The following FERMT2 variants were observed in gnomAD, a reference collection of about 807,000 sequenced individuals.
FERMT2 encodes the protein fermitin family homolog 2.
In FERMT2, 15 loss-of-function variants were observed where a neutral mutation model predicts 82.7. The ratio of observed to expected loss-of-function variants is 0.18; its 90% CI spans 0.12 to 0.28. The LOEUF (loss-of-function observed/expected upper bound fraction) is 0.28. Ranked by LOEUF, FERMT2 falls within the 10% of genes least tolerant of loss-of-function variation. The pLI is 1.00. For synonymous variants in FERMT2, 274 were observed against 271.5 expected (o/e 1.01, Z -0.09); for missense variants, 645 against 809.4 (o/e 0.80, Z 2.46).
At chr14:52,940,000 T>C (rs576498424) in intron 2 of FERMT2, among the ~76,000 whole-genome samples, 2 of 152,298 alleles carry the variant, frequency 1.3e-5, no homozygotes, top group African/African-American at 2.4e-5. Flanking sequence ...AAAAACATCA[T>C]TACACTGATG....
chr14:52,859,660 A>C lies in FERMT2; in HGVS notation c.1782T>G (p.Ile594Met). 1 of 1,612,874 alleles carries C rather than the reference A, an allele frequency of 6.2e-7. No homozygotes were observed. Among genetic ancestry groups the C allele is most frequent in the Non-Finnish European group, 8.5e-7 (1 of 1,179,362 alleles). ...CATCTCCAGTGCTGGCATCCATCCG[A>C]ATCAGTCTGTTGTATGCAATTCCAA... ...ELIGIAYNRL[I>M]RMDASTGDAI... Residue 594 changes from isoleucine to methionine, a missense_variant, in exon 14 of 15, where the codon ATT becomes ATG. Physicochemically the swap from Ile to Met is conservative, Grantham distance 10. Transcript: ENST00000341590.
intron 3 of FERMT2, among the ~76,000 whole-genome samples, chr14:52,900,374 T>TATAAAACA (rs1484966494): frequency 6.6e-6 from 1 of 151,840 alleles, no homozygotes; most frequent in Non-Finnish European, 1.5e-5. Flanking sequence ...ATACTATACA[T>TATAAAACA]ATAAAAAAGC....
intron 2 of FERMT2, among the ~76,000 whole-genome samples, chr14:52,933,615 C>A (rs1008121925): frequency 7.0e-6 from 1 of 143,538 alleles, no homozygotes; most frequent in Non-Finnish European, 1.5e-5. Context: ...GAGGCTGAAG[C>A]AGGAGAATTG....
Position 52,859,727 on chromosome 14 carries a change from A to G in FERMT2, c.1728-13T>C. ...GCCCCCTTGGAACCTATAACATTTA[A>G]GAAAAGAACGGTTAAAAACATGTTG... is the stretch of plus-strand genomic sequence containing the variant. On this transcript the variant is annotated splice_polypyrimidine_tract_variant and intron_variant, in intron 13 of 14. Coordinates refer to ENST00000341590, the MANE Select transcript of FERMT2 (RefSeq NM_006832.3). 1 of 1,536,976 alleles carries G rather than the reference A, an allele frequency of 6.5e-7. No homozygotes were observed. The highest frequency in any genetic ancestry group is 8.8e-7 in the Non-Finnish European group (1 of 1,132,542).
chr14:52,887,471 G>A (rs567734189), intron 4 of FERMT2, among the ~76,000 whole-genome samples: 2 of 151,872 alleles, frequency 1.3e-5, no homozygotes, highest in South Asian at 2.1e-4. Context: ...AACATAGCAA[G>A]ACCCTGTCCC....
At chr14:52,945,229 G>GT (rs904891595) in intron 2 of FERMT2, among the ~76,000 whole-genome samples, 1 of 151,338 alleles carries the variant, frequency 6.6e-6, no homozygotes, top group East Asian at 1.9e-4. Context: ...ATTGTTCTAT[G>GT]TTTTTTTGTT....
At chr14:52,946,609 C>G (rs1890368253) in intron 2 of FERMT2, among the ~76,000 whole-genome samples, 1 of 152,178 alleles carries the variant, frequency 6.6e-6, no homozygotes, top group Non-Finnish European at 1.5e-5. Flanking sequence ...GCCATGAACA[C>G]ACACTCACTC....
intron 4 of FERMT2, among the ~76,000 whole-genome samples, chr14:52,886,736 A>G (rs6572869): frequency 0.78 from 118,055 of 152,064 alleles, 48,128 homozygotes; most frequent in Non-Finnish European, 0.89. Context: ...CCACTTGTGC[A>G]TATAAACACA....
At chr14:52,884,332 T>C (rs1425774491) in intron 4 of FERMT2, among the ~76,000 whole-genome samples, 2 of 152,170 alleles carry the variant, frequency 1.3e-5, no homozygotes, top group Non-Finnish European at 2.9e-5. Context: ...GCAGGCGCGG[T>C]GGCTCAAGCC....
Position 52,878,623 on chromosome 14 carries a change from C to T in FERMT2, c.922G>A (p.Glu308Lys), listed in dbSNP as rs760827608. 6.2e-7 allele frequency: 1 copy of T among 1,611,122 alleles called. No homozygotes were observed. The highest frequency in any genetic ancestry group is 8.5e-7 in the Non-Finnish European group (1 of 1,178,612). Residue 308 changes from glutamate to lysine, a missense_variant, in exon 7 of 15, where the codon GAA (glutamate) becomes AAA (lysine). Transcript: ENST00000341590. The part of the protein sequence containing the change: ...AKWAILLEEI[E>K]CTEEEMMMFA... Reference sequence around the variant, plus strand: ...ATCATCATTTCTTCTTCTGTGCATTCAATCTCTTCCAGGAGAATGGCCCAT... The same window carrying T: ...ATCATCATTTCTTCTTCTGTGCATTTAATCTCTTCCAGGAGAATGGCCCAT...
intron 2 of FERMT2, among the ~76,000 whole-genome samples, chr14:52,949,372 T>C (rs531317733): frequency 1.4e-5 from 2 of 141,858 alleles, no homozygotes; most frequent in Non-Finnish European, 3.0e-5. Context: ...AAACGAATGC[T>C]GTGTTTAAAA....
chr14:52,885,312 CAAAAAAA>C (rs1181582996), intron 4 of FERMT2, among the ~76,000 whole-genome samples: 4 of 61,076 alleles, frequency 6.5e-5, no homozygotes, highest in South Asian at 9.0e-4. Flanking sequence ...GACTTAGTCT[CAAAAAAA>C]AAAAAAAAAA....
At chr14:52,881,798 T>C in intron 4 of FERMT2, 1 of 1,307,084 alleles carries the variant, frequency 7.7e-7, no homozygotes, top group Non-Finnish European at 1.0e-6. Context: ...AGGCTCACCT[T>C]TCAGAGGGCC....
chr14:52,870,271 C>T lies in FERMT2; in HGVS notation c.1273+2528G>A, dbSNP rs1306907411. ...TACTTTTTTTTTTTTTTTTTGGAGACGGAGTTTCGTTCTTGTTGCCCAAGC... is the reference window on the plus strand; with the variant it reads ...TACTTTTTTTTTTTTTTTTTGGAGATGGAGTTTCGTTCTTGTTGCCCAAGC... On this transcript the variant is annotated intron_variant, in intron 10 of 14. Transcript: ENST00000341590. 4.9e-5 allele frequency among the ~76,000 whole-genome samples: 7 copies of T among 144,040 alleles called. No individual in the cohort carries two copies. In the South Asian group the frequency reaches 6.5e-4, roughly 13 times the overall value. 94.5% of individuals were successfully genotyped at this position (144,040 alleles called of 152,430 possible). A position where few individuals can be genotyped will look rare whatever the true frequency, so the allele number is the denominator to read the frequency against.
intron 7 of FERMT2, among the ~76,000 whole-genome samples, chr14:52,877,357 G>A (rs1193075202): frequency 1.3e-5 from 2 of 151,882 alleles, no homozygotes; most frequent in Non-Finnish European, 2.9e-5. Flanking sequence ...CCACGTGAGG[G>A]GACTCCCAAC....
rs201335731 is a variant in FERMT2 at position 52,919,266 on chromosome 14, C to T, written c.248G>A (p.Gly83Asp). The T allele has an allele frequency of 1.9e-5, 31 of 1,614,044 alleles. No individual in the cohort carries two copies. The highest frequency in any genetic ancestry group is 2.5e-5 in the Non-Finnish European group (30 of 1,179,980). The change falls in exon 3 of 15, where the codon GGT becomes GAT. Residue 83 changes from glycine to aspartate, a missense_variant. By Grantham distance (94) the Gly-to-Asp change is moderately conservative (BLOSUM62 -1). Transcript: ENST00000341590. ...CTGAAGCTTAGCATCTGCCTGAATA[C>T]CATACTTATCTAAGGTCCAATGTGT... ...LKTHWTLDKYGIQADAKLQFT... is the reference protein window; with the variant it reads ...LKTHWTLDKYDIQADAKLQFT...
At chr14:52,873,055 TCAGC>T in intron 9 of FERMT2, 132 bp from the exon 10 acceptor site, 1 of 818,900 alleles carries the variant, frequency 1.2e-6, no homozygotes, top group Non-Finnish European at 1.9e-6. Context: ...TCCCCCTTGG[TCAGC>T]GTCTTATTAG....
At chr14:52,949,366 G>A (rs1246415494) in intron 2 of FERMT2, among the ~76,000 whole-genome samples, 3 of 137,480 alleles carry the variant, frequency 2.2e-5, no homozygotes, top group Non-Finnish European at 3.1e-5. Flanking sequence ...GCTTGAAAAC[G>A]AATGCTGTGT....
intron 2 of FERMT2, among the ~76,000 whole-genome samples, chr14:52,928,811 C>T (rs1366613728): frequency 6.6e-6 from 1 of 152,186 alleles, no homozygotes; most frequent in Non-Finnish European, 1.5e-5. Context: ...TATAAGCCTT[C>T]TTAAATTTGT....
Sources: gnomAD v4.1 joint callset for allele counts (sites outside exome capture counted in the v4.1 genomes callset) on GRCh38, gnomAD v4.1.1 for gene constraint, MANE v1.5 for transcripts, NCBI Gene and HGNC (gene_info 2026-07-23, HGNC 2026-07-21) for gene names.